The following HDAC9 variants were observed in gnomAD, a reference collection of about 807,000 sequenced individuals.
The protein encoded by HDAC9 is MEF-2 interacting transcription repressor (MITR) protein.
In HDAC9, 41 loss-of-function variants were observed where a neutral mutation model predicts 139.4. The ratio of observed to expected loss-of-function variants is 0.29; its 90% CI spans 0.23 to 0.38. HDAC9 has a LOEUF of 0.38. Ranked by LOEUF, HDAC9 falls within the 10% of genes least tolerant of loss-of-function variation. The pLI, the probability that HDAC9 is intolerant of heterozygous loss-of-function variation, is 1.00. For missense variants in HDAC9, 1,147 were observed against 1,297.0 expected, an observed-to-expected ratio of 0.88 and a Z score of 1.78; for synonymous variants, 517 against 476.2, an observed-to-expected ratio of 1.09 and a Z score of -1.12.
chr7:18,901,213 T>C (rs1050416282), intron 22 of HDAC9, among the ~76,000 whole-genome samples: 1,800 of 128,810 alleles, frequency 0.014, 32 homozygotes, highest in African/African-American at 0.056. Context: ...TATACATATA[T>C]ATATATATAC....
chr7:18,111,065 T>C (rs1014549248), intron 1 of HDAC9, among the ~76,000 whole-genome samples: 13 of 152,218 alleles, frequency 8.5e-5, no homozygotes, highest in African/African-American at 3.1e-4. Flanking sequence ...GAGTAAGTAC[T>C]CTGTGCCAAA....
rs143102465 is a variant in HDAC9 at position 18,358,664 on chromosome 7, T to A, written c.-42+68149T>A. ...TCATTGTTAGGAACTTATCTTTTAA[T>A]CGAATGCATGGTGCCATAGGTTATT... On this transcript the variant is annotated intron_variant, in intron 1 of 3. Transcript: ENST00000413509. 2.0e-5 allele frequency among the ~76,000 whole-genome samples: 3 copies of A among 152,334 alleles called. No individual in the cohort carries two copies. In the East Asian group the frequency reaches 5.8e-4, roughly 29 times the overall value.
intron 2 of HDAC9, among the ~76,000 whole-genome samples, chr7:18,222,608 G>C (rs1168072932): frequency 6.6e-6 from 1 of 152,068 alleles, no homozygotes; most frequent in Non-Finnish European, 1.5e-5. Flanking sequence ...ACTGATTACA[G>C]TTTAACACAT....
intron 11 of HDAC9, among the ~76,000 whole-genome samples, chr7:18,655,013 ATCT>A (rs1379100042): frequency 1.3e-5 from 2 of 152,146 alleles, no homozygotes; most frequent in African/African-American, 4.8e-5. Flanking sequence ...TTGGACAAAC[ATCT>A]TCTCACGGAA....
intron 25 of HDAC9, among the ~76,000 whole-genome samples, chr7:18,992,886 G>C (rs1465071214): frequency 1.3e-5 from 2 of 152,140 alleles, no homozygotes; most frequent in Admixed American, 6.5e-5. Context: ...ATTTATCTTT[G>C]CTGGGTTGAT....
intron 2 of HDAC9, among the ~76,000 whole-genome samples, chr7:18,244,851 A>T (rs1381600021): frequency 1.3e-5 from 2 of 151,856 alleles, no homozygotes; most frequent in South Asian, 2.1e-4. Flanking sequence ...CAATAGCTAA[A>T]TCTTCACTTT....
At chr7:18,977,025 A>G (rs1784591524) in intron 25 of HDAC9, among the ~76,000 whole-genome samples, 1 of 152,224 alleles carries the variant, frequency 6.6e-6, no homozygotes, top group Non-Finnish European at 1.5e-5. Context: ...GTTTTGGCCA[A>G]GAACAGGAGA....
chr7:18,132,830 A>T (rs554543218), intron 1 of HDAC9, among the ~76,000 whole-genome samples: 13 of 152,220 alleles, frequency 8.5e-5, no homozygotes, highest in African/African-American at 3.1e-4. Flanking sequence ...TTTTCAAATG[A>T]TATTGTTTCT....
intron 2 of HDAC9, among the ~76,000 whole-genome samples, chr7:18,188,887 T>A: frequency 6.6e-6 from 1 of 152,282 alleles, no homozygotes; most frequent in South Asian, 2.1e-4. Context: ...GCTTTTACAC[T>A]GTTGGTGGGG....
At chr7:18,334,404 T>G (rs2128651847) in intron 1 of HDAC9, among the ~76,000 whole-genome samples, 1 of 151,606 alleles carries the variant, frequency 6.6e-6, no homozygotes, top group South Asian at 2.1e-4. Context: ...CAGAGATGGA[T>G]AAAAAGCTAT....
At chr7:18,884,698 C>T (rs1382380443) in intron 22 of HDAC9, among the ~76,000 whole-genome samples, 2 of 152,120 alleles carry the variant, frequency 1.3e-5, no homozygotes, top group Non-Finnish European at 2.9e-5. Flanking sequence ...TTAAAGTTAC[C>T]TTAGGCTGAT....
chr7:18,177,783 G>C (rs143678060), intron 2 of HDAC9, among the ~76,000 whole-genome samples: 112 of 152,204 alleles, frequency 7.4e-4, no homozygotes, highest in African/African-American at 2.6e-3. Context: ...ATTTATGGTT[G>C]CTCTCTTAGT....
chr7:18,225,732 A>G (rs999715043), intron 2 of HDAC9, among the ~76,000 whole-genome samples: 2 of 152,108 alleles, frequency 1.3e-5, no homozygotes, highest in African/African-American at 4.8e-5. Flanking sequence ...TATATGATTT[A>G]TATTTTCCTG....
intron 1 of HDAC9, among the ~76,000 whole-genome samples, chr7:18,102,821 G>A (rs972868901): frequency 3.3e-5 from 5 of 152,200 alleles, no homozygotes; most frequent in Non-Finnish European, 7.3e-5. Context: ...ATTAAAGGAC[G>A]GGGTGTGCTG....
At position 18,701,073 on chromosome 7, in the gene HDAC9, A is replaced by G. The variant is rs1044411329; in HGVS notation, c.1732-26507A>G. 3.3e-5 allele frequency among the ~76,000 whole-genome samples: 5 copies of G among 152,054 alleles called. No individual in the cohort carries two copies. In the East Asian group the frequency reaches 7.7e-4, roughly 23 times the overall value. On this transcript the variant is annotated intron_variant, in intron 12 of 25. Coordinates refer to ENST00000686413, the MANE Select transcript of HDAC9 (RefSeq NM_178425.4). ...TACAGGACCAAATTAAAAAGTTTTCATGACTGTTGCTGCAAAATTTATGTT... is the reference window on the plus strand; with the variant it reads ...TACAGGACCAAATTAAAAAGTTTTCGTGACTGTTGCTGCAAAATTTATGTT...
chr7:18,585,007 A>G (rs549966584), intron 2 of HDAC9, among the ~76,000 whole-genome samples: 1 of 152,272 alleles, frequency 6.6e-6, no homozygotes, highest in South Asian at 2.1e-4. Context: ...GACTGATACC[A>G]GTAAACAATT....
intron 3 of HDAC9, 43 bp from the exon 4 acceptor site, chr7:18,590,293 C>T (rs1830581705): frequency 6.2e-7 from 1 of 1,602,756 alleles, no homozygotes; most frequent in Non-Finnish European, 8.5e-7. Flanking sequence ...GACTATGAAG[C>T]CTAAAGAAAT....
chr7:18,860,086 G>A (rs532956091), intron 21 of HDAC9, among the ~76,000 whole-genome samples: 1 of 151,570 alleles, frequency 6.6e-6, no homozygotes, highest in South Asian at 2.1e-4. Context: ...CCACCGAAAG[G>A]AGAGAAATCC....
chr7:18,964,004 C>A (rs1191718721), intron 24 of HDAC9, among the ~76,000 whole-genome samples: 2 of 152,200 alleles, frequency 1.3e-5, no homozygotes, highest in African/African-American at 4.8e-5. Context: ...CTTTACCCAT[C>A]TAAGAAAATC....
Sources: allele counts gnomAD v4.1 joint callset (sites outside exome capture counted in the v4.1 genomes callset), GRCh38; gene constraint gnomAD v4.1.1; transcripts MANE v1.5; gene names NCBI Gene and HGNC (gene_info 2026-07-23, HGNC 2026-07-21).